Variants in TRIM24 observed in about 807,000 individuals in gnomAD.
The protein encoded by TRIM24 is tripartite motif containing 24.
In TRIM24, 29 loss-of-function variants were observed where a neutral mutation model predicts 123.9. That is an observed-to-expected ratio of 0.23 (90% CI 0.17 to 0.32). TRIM24 has a LOEUF of 0.32. TRIM24 is among the 10% of genes least tolerant of loss of function. TRIM24 has a pLI of 1.00. For synonymous variants in TRIM24, 456 were observed against 461.1 expected (o/e 0.99, Z 0.14); for missense variants, 932 against 1,295.3 (o/e 0.72, Z 4.31).
At chr7:138,545,163 CGT>C (rs3073156) in intron 7 of TRIM24, among the ~76,000 whole-genome samples, 246 of 149,076 alleles carry the variant, frequency 1.7e-3, no homozygotes, top group Middle Eastern at 3.4e-3. Context: ...ATAAAATCTG[CGT>C]GTGTGTGTGT....
chr7:138,497,204 C>T (rs956411294), intron 1 of TRIM24, among the ~76,000 whole-genome samples: 22 of 151,812 alleles, frequency 1.4e-4, no homozygotes, highest in South Asian at 6.2e-4. Flanking sequence ...GACTTTTCTT[C>T]GTGGGAAGGT....
chr7:138,563,902 G>T (rs1345917888), intron 9 of TRIM24, among the ~76,000 whole-genome samples: 1 of 152,176 alleles, frequency 6.6e-6, no homozygotes, highest in African/African-American at 2.4e-5. Context: ...CCCAGTGGGG[G>T]TCTGCTTCTG....
intron 10 of TRIM24, 97 bp from the exon 11 acceptor site, chr7:138,570,726 ATTACAGT>A: frequency 8.6e-7 from 1 of 1,160,250 alleles, no homozygotes; most frequent in Non-Finnish European, 1.2e-6. Flanking sequence ...TTCCATGTAA[ATTACAGT>A]TGAACTCTTC....
chr7:138,547,256 A>G (rs1404301556), intron 7 of TRIM24, among the ~76,000 whole-genome samples: 2 of 152,182 alleles, frequency 1.3e-5, no homozygotes, highest in African/African-American at 2.4e-5. Flanking sequence ...GGGTATTGGA[A>G]GGGATGTTGA....
At chr7:138,508,708 C>CGTGCGCGT (rs1554436689) in intron 2 of TRIM24, among the ~76,000 whole-genome samples, 1 of 136,194 alleles carries the variant, frequency 7.3e-6, no homozygotes, top group South Asian at 2.5e-4. Flanking sequence ...CGCGTGTGTG[C>CGTGCGCGT]GTGTGTGTGT....
chr7:138,514,855 G>A (rs1351715717), intron 2 of TRIM24: 1 of 169,754 alleles, frequency 5.9e-6, no homozygotes, highest in Non-Finnish European at 1.3e-5. Context: ...GTAAGTGAGG[G>A]AACTGGGATT....
At chr7:138,568,379 CTTTTTTTTTTTTT>C (rs60386130) in intron 10 of TRIM24, among the ~76,000 whole-genome samples, 1 of 68,682 alleles carries the variant, frequency 1.5e-5, no homozygotes, top group Non-Finnish European at 2.5e-5. Context: ...ACCTGGCCTC[CTTTTTTTTTTTTT>C]TTTTTTTTTT....
At chr7:138,526,128 CCAGCGTAAAAGAGACCTCA>C (rs1230439038) in intron 5 of TRIM24, among the ~76,000 whole-genome samples, 2 of 152,088 alleles carry the variant, frequency 1.3e-5, no homozygotes, top group Admixed American at 6.6e-5. Context: ...TTAGAATGAG[CCAGCGTAAAAGAGACCTCA>C]CAGAGAATTT....
intron 1 of TRIM24, chr7:138,461,362 G>C: frequency 2.4e-6 from 1 of 412,706 alleles, no homozygotes; most frequent in Middle Eastern, 3.7e-4. Context: ...AGGGGAGAAG[G>C]GAGGGATGAA....
At chr7:138,484,008 A>G (rs1795590797) in intron 1 of TRIM24, among the ~76,000 whole-genome samples, 1 of 152,184 alleles carries the variant, frequency 6.6e-6, no homozygotes, top group Admixed American at 6.5e-5. Flanking sequence ...TCAAGGCAGT[A>G]CATAATATTG....
intron 1 of TRIM24, chr7:138,461,409 C>T (rs1794969139): frequency 2.6e-6 from 1 of 391,102 alleles, no homozygotes; most frequent in East Asian, 7.5e-5. Flanking sequence ...TGATTGATTG[C>T]AGATCGGATG....
In TRIM24 at chr7:138,464,631, A is replaced by C. The variant is rs987510815; in HGVS notation, c.364+3719A>C. On this transcript the variant is annotated intron_variant, in intron 1 of 18. Coordinates refer to ENST00000343526, the MANE Select transcript of TRIM24 (RefSeq NM_015905.3). ...AGTATTAGATATTGTCAACTAATTAAAAATGTGTGAATATTTATACACATA... is the reference window on the plus strand; with the variant it reads ...AGTATTAGATATTGTCAACTAATTACAAATGTGTGAATATTTATACACATA... 3.3e-5 allele frequency among the ~76,000 whole-genome samples: 5 copies of C among 152,210 alleles called. No homozygotes were observed. In the East Asian group the frequency reaches 7.7e-4, roughly 23 times the overall value.
intron 9 of TRIM24, among the ~76,000 whole-genome samples, chr7:138,565,743 G>C (rs987269824): frequency 2.0e-5 from 3 of 152,202 alleles, no homozygotes; most frequent in Non-Finnish European, 4.4e-5. Flanking sequence ...ACACACTTCT[G>C]AAAGGGGGTT....
At chr7:138,477,743 A>ATTAGGCATAGAATT (rs1307378754) in intron 1 of TRIM24, among the ~76,000 whole-genome samples, 2 of 152,204 alleles carry the variant, frequency 1.3e-5, no homozygotes, top group Non-Finnish European at 2.9e-5. Context: ...TGGTAATATC[A>ATTAGGCATAGAATT]TTAGGCATAG....
chr7:138,585,234 T>C lies in TRIM24; in HGVS notation c.*283T>C, dbSNP rs1797990181. On this transcript the variant is annotated 3_prime_UTR_variant, in exon 19 of 19. Transcript: ENST00000343526. ...AAAGAAGCATTGAAAACAAAGACAT[T>C]CTTCCCACTTCTTGGATTTTTAAAC... 1 of 287,096 alleles carries C rather than the reference T, an allele frequency of 3.5e-6. No homozygotes were observed. The highest frequency in any genetic ancestry group is 5.1e-5 in the Admixed American group (1 of 19,716). The allele number at this position is 287,096 out of a possible 1,614,324, so 17.8% of individuals were successfully genotyped here.
intron 11 of TRIM24, among the ~76,000 whole-genome samples, chr7:138,571,488 A>T (rs796932706): frequency 7.2e-5 from 11 of 152,308 alleles, no homozygotes; most frequent in African/African-American, 2.6e-4. Flanking sequence ...GTGTTTGTAA[A>T]TGAGTGATTA....
At chr7:138,548,879 T>C (rs907877430) in intron 7 of TRIM24, among the ~76,000 whole-genome samples, 6 of 152,200 alleles carry the variant, frequency 3.9e-5, no homozygotes, top group African/African-American at 1.4e-4. Context: ...TCAATATCAC[T>C]GTCTTACACC....
chr7:138,485,614 T>TTGTGATA (rs1795628241), intron 1 of TRIM24, among the ~76,000 whole-genome samples: 1 of 151,546 alleles, frequency 6.6e-6, no homozygotes, highest in Admixed American at 6.6e-5. Flanking sequence ...TTTGGTTTTC[T>TTGTGATA]GTTTGCTCAG....
At chr7:138,564,175 G>A (rs911014072) in intron 9 of TRIM24, among the ~76,000 whole-genome samples, 6 of 152,192 alleles carry the variant, frequency 3.9e-5, no homozygotes, top group Non-Finnish European at 8.8e-5. Flanking sequence ...AAGGCTGGTA[G>A]ATGAAGTTCC....
Sources: allele counts gnomAD v4.1 joint callset (sites outside exome capture counted in the v4.1 genomes callset), GRCh38; gene constraint gnomAD v4.1.1; transcripts MANE v1.5; gene names NCBI Gene and HGNC (gene_info 2026-07-23, HGNC 2026-07-21).